Variants in RFX3 observed in about 807,000 individuals in gnomAD.
The protein encoded by RFX3 is regulatory factor X3, also known as transcription factor RFX3.
RFX3 carries 14 observed loss-of-function variants against 98.6 expected under a neutral mutation model. That is an observed-to-expected ratio of 0.14 (90% confidence interval 0.09 to 0.22). The LOEUF (loss-of-function observed/expected upper bound fraction) is 0.22, where lower values mean the gene tolerates loss of function less well. RFX3 is among the 10% of genes least tolerant of loss of function. RFX3 has a pLI of 1.00. For synonymous variants in RFX3, 383 were observed against 328.4 expected (o/e 1.17, Z -1.80); for missense variants, 639 against 926.9 (o/e 0.69, Z 4.03).
intron 10 of RFX3, 25 bp from the exon 11 acceptor site, chr9:3,270,550 G>T (rs1824285126): frequency 6.3e-7 from 1 of 1,598,200 alleles, no homozygotes; most frequent in African/African-American, 1.3e-5. Context: ...TGTAGCAAAT[G>T]AATAGATGGC....
chr9:3,230,367 T>C (rs981524871), intron 15 of RFX3, among the ~76,000 whole-genome samples: 1 of 152,182 alleles, frequency 6.6e-6, no homozygotes, highest in African/African-American at 2.4e-5. Context: ...TTTTTAGAGT[T>C]ATTAAAAGTA....
chr9:3,256,621 G>T (rs1313700483), intron 14 of RFX3, among the ~76,000 whole-genome samples: 1 of 152,158 alleles, frequency 6.6e-6, no homozygotes, highest in African/African-American at 2.4e-5. Context: ...ACAAAAAGGA[G>T]ACTAGTGTTA....
chr9:3,316,492 T>A (rs190364394), intron 4 of RFX3, among the ~76,000 whole-genome samples: 1 of 152,250 alleles, frequency 6.6e-6, no homozygotes, highest in East Asian at 1.9e-4. Flanking sequence ...CTCTCACCGC[T>A]CCTATTCAAC....
At chr9:3,360,589 AAACTT>A (rs1836307199) in intron 2 of RFX3, among the ~76,000 whole-genome samples, 1 of 152,172 alleles carries the variant, frequency 6.6e-6, no homozygotes, top group Non-Finnish European at 1.5e-5. Context: ...ATGAATTAAA[AAACTT>A]AACACTCTCT....
chr9:3,273,424 T>C lies in RFX3; in HGVS notation c.1086+2076A>G, dbSNP rs534721489. Among the ~76,000 whole-genome samples, 3 of 152,310 alleles carry C rather than the reference T, an allele frequency of 2.0e-5. No homozygotes were observed. The South Asian group carries it at 6.2e-4, about 32-fold the overall frequency. On this transcript the variant is annotated intron_variant, in intron 9 of 16. Transcript: ENST00000617270. ...AAAAAGTATATTTTTGAAAATGGTA[T>C]GTTAATACAAATCTTATAATTCAAA...
At chr9:3,302,518 T>C (rs907865375) in intron 4 of RFX3, among the ~76,000 whole-genome samples, 2 of 150,170 alleles carry the variant, frequency 1.3e-5, no homozygotes, top group Non-Finnish European at 3.0e-5. Context: ...ATTAACAATA[T>C]TAGCTAAATT....
intron 1 of RFX3, among the ~76,000 whole-genome samples, chr9:3,403,200 A>G (rs1841641031): frequency 6.6e-6 from 1 of 152,114 alleles, no homozygotes; most frequent in Admixed American, 6.6e-5. Flanking sequence ...AAACTAGTTA[A>G]GCTATAAACT....
chr9:3,440,789 A>G (rs1200469396), intron 1 of RFX3, among the ~76,000 whole-genome samples: 1 of 152,196 alleles, frequency 6.6e-6, no homozygotes, highest in Non-Finnish European at 1.5e-5. Context: ...CACCTTTGAT[A>G]AAGAAAAAGT....
At chr9:3,492,602 C>G (rs183126549) in intron 1 of RFX3, among the ~76,000 whole-genome samples, 241 of 152,324 alleles carry the variant, frequency 1.6e-3, no homozygotes, top group African/African-American at 5.6e-3. Flanking sequence ...GGGTAGTCAA[C>G]AGATAGCTTG....
intron 1 of RFX3, among the ~76,000 whole-genome samples, chr9:3,397,343 G>C (rs1034191135): frequency 2.0e-5 from 3 of 152,190 alleles, no homozygotes; most frequent in African/African-American, 7.2e-5. Context: ...CATAAGAAAA[G>C]CACTGCATCA....
At chr9:3,283,287 A>C (rs1826148417) in intron 7 of RFX3, among the ~76,000 whole-genome samples, 1 of 151,754 alleles carries the variant, frequency 6.6e-6, no homozygotes, top group Non-Finnish European at 1.5e-5. Context: ...TATAATAATG[A>C]TCCTAATAAT....
intron 1 of RFX3, among the ~76,000 whole-genome samples, chr9:3,520,907 T>C (rs1818646545): frequency 6.6e-6 from 1 of 152,208 alleles, no homozygotes; most frequent in Non-Finnish European, 1.5e-5. Context: ...CTTGAACTCA[T>C]AGCCTCAGGT....
chr9:3,335,106 G>A (rs781157787), intron 3 of RFX3, among the ~76,000 whole-genome samples: 2 of 151,750 alleles, frequency 1.3e-5, no homozygotes, highest in African/African-American at 2.4e-5. Flanking sequence ...GCAACAGAGC[G>A]AAACTCCATC....
intron 1 of RFX3, among the ~76,000 whole-genome samples, chr9:3,415,622 C>G (rs1462315030): frequency 6.6e-6 from 1 of 152,142 alleles, no homozygotes; most frequent in African/African-American, 2.4e-5. Flanking sequence ...GACTAATCCC[C>G]TAAGATACAC....
intron 2 of RFX3, among the ~76,000 whole-genome samples, chr9:3,357,994 TAGTACTA>T (rs1209789493): frequency 2.6e-5 from 4 of 152,104 alleles, no homozygotes; most frequent in Non-Finnish European, 5.9e-5. Context: ...GCACATAGCT[TAGTACTA>T]ATTCAGATTC....
At chr9:3,495,430 C>G (rs548145358) in intron 1 of RFX3, among the ~76,000 whole-genome samples, 14 of 151,936 alleles carry the variant, frequency 9.2e-5, no homozygotes, top group Non-Finnish European at 1.3e-4. Flanking sequence ...TGGCAGCTAT[C>G]AATAGAATAT....
At chr9:3,368,008 G>A (rs1837403333) in intron 2 of RFX3, among the ~76,000 whole-genome samples, 1 of 152,150 alleles carries the variant, frequency 6.6e-6, no homozygotes, top group Admixed American at 6.5e-5. Context: ...CTACATACAT[G>A]CAGTGACTAC....
intron 4 of RFX3, among the ~76,000 whole-genome samples, chr9:3,324,906 G>A (rs1379056584): frequency 6.6e-6 from 1 of 152,138 alleles, no homozygotes; most frequent in Non-Finnish European, 1.5e-5. Flanking sequence ...GGAGGTTGCA[G>A]TGAGCCGAGA....
At chr9:3,325,217 T>C (rs181400425) in intron 4 of RFX3, among the ~76,000 whole-genome samples, 59 of 152,266 alleles carry the variant, frequency 3.9e-4, no homozygotes, top group African/African-American at 1.4e-3. Flanking sequence ...AACATATTTA[T>C]ACTCTTAGAA....
Sources: allele counts gnomAD v4.1 joint callset (sites outside exome capture counted in the v4.1 genomes callset), GRCh38; gene constraint gnomAD v4.1.1; transcripts MANE v1.5; gene names NCBI Gene and HGNC (gene_info 2026-07-23, HGNC 2026-07-21).